Variants in GRK5 observed in about 807,000 individuals in gnomAD.
The protein encoded by GRK5 is g protein-coupled receptor kinase GRK5.
In GRK5, 40 loss-of-function variants were observed where a neutral mutation model predicts 78.4. The observed-to-expected ratio is 0.51, with a 90% CI of 0.40 to 0.66. The LOEUF (loss-of-function observed/expected upper bound fraction) is 0.66. GRK5 is among the 30% of genes least tolerant of loss of function. The probability of loss-of-function intolerance (pLI) is 0.00; values close to 1 mark genes in which losing one functional copy is unlikely to be tolerated. For synonymous variants in GRK5, 289 were observed against 296.8 expected, an observed-to-expected ratio of 0.97 and a Z score of 0.27; for missense variants, 598 against 759.9, an observed-to-expected ratio of 0.79 and a Z score of 2.50.
chr10:119,384,041 C>T (rs908015668), intron 3 of GRK5, among the ~76,000 whole-genome samples: 6 of 152,166 alleles, frequency 3.9e-5, no homozygotes, highest in African/African-American at 1.2e-4. Context: ...TCAGCTCCTG[C>T]CCACCTTTTC....
chr10:119,214,054 A>C (rs1429324124), intron 1 of GRK5, among the ~76,000 whole-genome samples: 1 of 152,204 alleles, frequency 6.6e-6, no homozygotes, highest in African/African-American at 2.4e-5. Context: ...GGCTCACTGC[A>C]ACCTCTGCCT....
chr10:119,445,403 A>G lies in GRK5; in HGVS notation c.1266+1651A>G, dbSNP rs1156939822. 6.6e-6 allele frequency among the ~76,000 whole-genome samples: 1 copy of G among 152,042 alleles called. No homozygotes were observed. Among genetic ancestry groups the G allele is most frequent in the Non-Finnish European group, 1.5e-5 (1 of 67,990 alleles). Reference sequence around the variant, plus strand: ...GGATATGGGACGTACTAAGAGGATGACGAGGCGGAGAGGGCCCCAGTCCCA... The same window carrying G: ...GGATATGGGACGTACTAAGAGGATGGCGAGGCGGAGAGGGCCCCAGTCCCA... On this transcript the variant is annotated intron_variant, in intron 12 of 15. Coordinates refer to ENST00000392870, the MANE Select transcript of GRK5 (RefSeq NM_005308.3). The surrounding 1 kb of genome is among the most constrained non-coding windows in gnomAD (Gnocchi z 4.1).
intron 10 of GRK5, among the ~76,000 whole-genome samples, chr10:119,441,446 T>TG (rs1418205677): frequency 2.6e-5 from 4 of 152,228 alleles, no homozygotes; most frequent in Admixed American, 1.3e-4. Flanking sequence ...TCTCCCGCTC[T>TG]GGGGGCTCAG....
chr10:119,441,309 G>A (rs1853030016), intron 10 of GRK5, among the ~76,000 whole-genome samples: 1 of 152,226 alleles, frequency 6.6e-6, no homozygotes. Flanking sequence ...ATGGGGGTGG[G>A]GCCCTGGTGT....
chr10:119,398,519 G>A (rs191558596), intron 4 of GRK5, among the ~76,000 whole-genome samples: 21 of 152,278 alleles, frequency 1.4e-4, no homozygotes, highest in African/African-American at 2.2e-4. Context: ...ATCTTCCCAC[G>A]GTGGCTCAGC....
chr10:119,454,883 A>T (rs1853371044), intron 15 of GRK5, 86 bp from the exon 16 acceptor site: 1 of 833,324 alleles, frequency 1.2e-6, no homozygotes, highest in African/African-American at 1.7e-5. Context: ...GGGTTGGAGC[A>T]GGCAGAGGCA....
chr10:119,276,386 TGA>T (rs1228496826), intron 1 of GRK5, among the ~76,000 whole-genome samples: 3 of 152,184 alleles, frequency 2.0e-5, no homozygotes, highest in Non-Finnish European at 4.4e-5. Flanking sequence ...TTACTGAGAA[TGA>T]TGATTTCCAA....
intron 9 of GRK5, among the ~76,000 whole-genome samples, chr10:119,439,042 C>T (rs368107428): frequency 1.8e-4 from 28 of 152,368 alleles, no homozygotes; most frequent in East Asian, 1.7e-3. Flanking sequence ...ACACACTCTC[C>T]TCTTGGCTGT....
In GRK5 at chr10:119,307,281, T is replaced by C. The variant is rs557539480; in HGVS notation, c.53-19235T>C. 6.6e-5 allele frequency among the ~76,000 whole-genome samples: 10 copies of C among 152,152 alleles called. No individual in the cohort carries two copies. The East Asian group carries it at 1.7e-3, about 26-fold the overall frequency. On this transcript the variant is annotated intron_variant, in intron 1 of 15. Transcript: ENST00000392870. ...GGAGCATGCAGTCTTAATCACTGCATGATTAAGGCTGAATCATGGTCCCCT... is the reference window on the plus strand; with the variant it reads ...GGAGCATGCAGTCTTAATCACTGCACGATTAAGGCTGAATCATGGTCCCCT...
At chr10:119,230,082 G>A (rs1848800462) in intron 1 of GRK5, among the ~76,000 whole-genome samples, 1 of 152,126 alleles carries the variant, frequency 6.6e-6, no homozygotes, top group African/African-American at 2.4e-5. Flanking sequence ...CATTTTTCTG[G>A]AGCCTGGAGT....
At chr10:119,296,488 C>T (rs968073269) in intron 1 of GRK5, among the ~76,000 whole-genome samples, 13 of 152,218 alleles carry the variant, frequency 8.5e-5, no homozygotes, top group African/African-American at 2.9e-4. Context: ...CAAAGTTCTG[C>T]TGCAGATGGA....
At chr10:119,398,545 G>A (rs1457339434) in intron 4 of GRK5, among the ~76,000 whole-genome samples, 4 of 152,158 alleles carry the variant, frequency 2.6e-5, no homozygotes, top group Non-Finnish European at 4.4e-5. Context: ...CCAGTCCAGC[G>A]CTTCATCTGT....
At chr10:119,355,743 G>T (rs1851255011) in intron 2 of GRK5, among the ~76,000 whole-genome samples, 1 of 152,246 alleles carries the variant, frequency 6.6e-6, no homozygotes, top group African/African-American at 2.4e-5. Flanking sequence ...TTGAGCCACT[G>T]CACTCCAACA....
In GRK5 at chr10:119,333,900, A is replaced by G. The variant is rs976279338; in HGVS notation, c.148+7289A>G. On this transcript the variant is annotated intron_variant, in intron 2 of 15. Coordinates refer to ENST00000392870, the MANE Select transcript of GRK5 (RefSeq NM_005308.3). Reference sequence around the variant, plus strand: ...AGCAGGTTGCTGAGCTGCAGAACCAAGGCAAAGATCTATCCCCACTTCCCT... The same window carrying G: ...AGCAGGTTGCTGAGCTGCAGAACCAGGGCAAAGATCTATCCCCACTTCCCT... The G allele has an allele frequency of 5.8e-6, 3 of 520,120 alleles. No individual in the cohort carries two copies. The Admixed American group carries it at 6.0e-5, about 10-fold the overall frequency. 32.2% of individuals were successfully genotyped at this position (520,120 alleles called of 1,614,324 possible). A position where few individuals can be genotyped will look rare whatever the true frequency, so the allele number is the denominator to read the frequency against.
In GRK5 at chr10:119,448,107, G is replaced by T; in HGVS notation, c.1267-16G>T. On this transcript the variant is annotated splice_polypyrimidine_tract_variant and intron_variant, in intron 12 of 15. Transcript: ENST00000392870. Reference sequence around the variant, plus strand: ...GAGGCCCAGGGGACGTGGCTTCATGGGGCTCTCTGTTTCAGCTGCTCACGA... The same window carrying T: ...GAGGCCCAGGGGACGTGGCTTCATGTGGCTCTCTGTTTCAGCTGCTCACGA... 1 of 1,529,852 alleles carries T rather than the reference G, an allele frequency of 6.5e-7. No homozygotes were observed. 94.8% of individuals were successfully genotyped at this position (1,529,852 alleles called of 1,614,324 possible).
intron 1 of GRK5, among the ~76,000 whole-genome samples, chr10:119,292,139 T>C (rs1424115157): frequency 0.035 from 126 of 3,636 alleles, 14 homozygotes; most frequent in East Asian, 0.11. Flanking sequence ...TCTTCCTCCT[T>C]CTCCTCCTCT....
chr10:119,453,622 C>T (rs1853340375), intron 15 of GRK5, among the ~76,000 whole-genome samples: 1 of 152,202 alleles, frequency 6.6e-6, no homozygotes, highest in Non-Finnish European at 1.5e-5. Flanking sequence ...GATGCAGCAA[C>T]ACGCCATCCC....
chr10:119,324,881 G>A lies in GRK5; in HGVS notation c.53-1635G>A, dbSNP rs1052641380. 4.0e-5 allele frequency among the ~76,000 whole-genome samples: 6 copies of A among 151,764 alleles called. No individual in the cohort carries two copies. The South Asian group carries it at 1.0e-3, about 26-fold the overall frequency. On this transcript the variant is annotated intron_variant, in intron 1 of 15. Transcript: ENST00000392870. ...TAATGTACAGGTGGAGCCTCACCAC[G>A]GCAGGTGCCGCCTCACCACGGCAGG...
chr10:119,313,208 A>C (rs201350414), intron 1 of GRK5, among the ~76,000 whole-genome samples: 1 of 75,398 alleles, frequency 1.3e-5, no homozygotes, highest in Non-Finnish European at 3.0e-5. Context: ...TGGTAATGGT[A>C]GTGGTGGTGG....
Sources: allele counts gnomAD v4.1 joint callset (sites outside exome capture counted in the v4.1 genomes callset), GRCh38; gene constraint gnomAD v4.1.1; non-coding constraint Gnocchi (gnomAD v3.1); transcripts MANE v1.5; gene names NCBI Gene and HGNC (gene_info 2026-07-23, HGNC 2026-07-21).